ALLC: variants seen among roughly 807,000 people sequenced by gnomAD.
The protein encoded by ALLC is probable inactive allantoicase.
ALLC carries 40 observed loss-of-function variants against 45.0 expected under a neutral mutation model. The ratio of observed to expected loss-of-function variants is 0.89; its 90% CI spans 0.69 to 1.16. The LOEUF (loss-of-function observed/expected upper bound fraction) is 1.16, where lower values mean the gene tolerates loss of function less well. ALLC is among the 50% of genes most tolerant of loss of function. The pLI is 0.00. For synonymous variants in ALLC, 176 were observed against 178.1 expected, an observed-to-expected ratio of 0.99 and a Z score of 0.09; for missense variants, 488 against 493.1, an observed-to-expected ratio of 0.99 and a Z score of 0.10.
the ALLC span, among the ~76,000 whole-genome samples, chr2:3,651,417 G>GCA: frequency 1.1e-4 from 6 of 55,198 alleles, no homozygotes; most frequent in Non-Finnish European, 1.7e-4. Flanking sequence ...GTGTGTGTGT[G>GCA]TGTGTGTGTG....
Position 3,701,600 on chromosome 2 carries a change from G to C in ALLC, c.939G>C (p.Pro313=), listed in dbSNP as rs186926132. 11 of 1,610,782 alleles carry C rather than the reference G, an allele frequency of 6.8e-6. No individual in the cohort carries two copies. Among genetic ancestry groups the C allele is most frequent in the South Asian group, 5.6e-5 (5 of 90,050 alleles). The change falls in exon 11 of 12, where the codon CCG becomes CCC. Residue 313 remains proline, a synonymous_variant. Coordinates refer to ENST00000252505, the MANE Select transcript of ALLC (RefSeq NM_018436.4). ...EAVIRQKWIL[P]AHKWKPLLPV... ...TGATCAGGCAAAAGTGGATTCTCCC[G>C]GCCCACAAGTGGAAACCACTGCTTC...
Position 3,679,986 on chromosome 2 carries a change from TG to T in ALLC, c.292del (p.Glu98LysfsTer30), listed in dbSNP as rs1667134360. ...APRVSIQAANLEEDKLPEIPE... is the reference protein window; with the variant it reads ...APRVSIQAANXEEDKLPEIPE... ...CGAGTGTCCATTCAAGCAGCAAACT[TG>T]GAAGAAGGTGCGTTAGGAACCACTG... On this transcript the variant is annotated frameshift_variant, in exon 5 of 12. Coordinates refer to ENST00000252505, the MANE Select transcript of ALLC (RefSeq NM_018436.4). LOFTEE classifies it high-confidence loss of function. The T allele has an allele frequency of 1.2e-6, 2 of 1,613,846 alleles. No individual in the cohort carries two copies. The highest frequency in any genetic ancestry group is 3.3e-5 in the Admixed American group (2 of 60,002).
At chr2:3,655,357 G>T (rs185644937), upstream of ALLC, among the ~76,000 whole-genome samples, 7 of 152,348 alleles carry the variant, frequency 4.6e-5, no homozygotes, top group East Asian at 1.2e-3. Context: ...CCTTGAAGTT[G>T]CCCTACCCAG....
At chr2:3,688,918 TA>T in intron 7 of ALLC, 1 of 185,272 alleles carries the variant, frequency 5.4e-6, no homozygotes, top group Admixed American at 4.9e-5. Flanking sequence ...TTGCCAGAGC[TA>T]AAAGCAGCCT....
intron 7 of ALLC, among the ~76,000 whole-genome samples, chr2:3,694,265 G>A (rs1158186438): frequency 6.6e-6 from 1 of 152,170 alleles, no homozygotes; most frequent in African/African-American, 2.4e-5. Context: ...GCCTGAAGAG[G>A]AGAGATGGGC....
upstream of ALLC, among the ~76,000 whole-genome samples, chr2:3,656,313 C>T (rs993507889): frequency 1.3e-5 from 2 of 152,240 alleles, no homozygotes; most frequent in African/African-American, 4.8e-5. Context: ...CGAGAACAGC[C>T]TCACGTCTGG....
chr2:3,660,879 G>GGATTGAGTCAGGGTGGAGCAGGTGATCT lies in ALLC; in HGVS notation c.-63+2587_-63+2588insTTGAGTCAGGGTGGAGCAGGTGATCTGA, dbSNP rs1553362494. ...ATGAGTCAGGGTGGAGCAGGTGATC[G>GGATTGAGTCAGGGTGGAGCAGGTGATCT]GAATGAGTCAGGGTGGAGCAGGTGA... On this transcript the variant is annotated intron_variant, in intron 1 of 11. Transcript: ENST00000252505. Among the ~76,000 whole-genome samples the GGATTGAGTCAGGGTGGAGCAGGTGATCT allele has an allele frequency of 6.4e-3, 967 of 149,944 alleles. 9 individuals are homozygous for GGATTGAGTCAGGGTGGAGCAGGTGATCT. The highest frequency in any genetic ancestry group is 0.026 in the East Asian group (130 of 5,054).
chr2:3,654,779 C>T (rs1206378941), upstream of ALLC, among the ~76,000 whole-genome samples: 1 of 152,236 alleles, frequency 6.6e-6, no homozygotes. Flanking sequence ...GGACTTCATG[C>T]CCCATTTCCC....
At chr2:3,678,932 GA>G (rs1213062493) in intron 4 of ALLC, among the ~76,000 whole-genome samples, 7 of 152,160 alleles carry the variant, frequency 4.6e-5, no homozygotes, top group African/African-American at 1.7e-4. Flanking sequence ...AACCGCCATG[GA>G]AACAGATTCC....
chr2:3,695,836 A>G lies in ALLC; in HGVS notation c.631A>G (p.Ser211Gly). 10 of 1,612,596 alleles carry G rather than the reference A, an allele frequency of 6.2e-6. No homozygotes were observed. Among genetic ancestry groups the G allele is most frequent in the Non-Finnish European group, 8.5e-6 (10 of 1,179,494 alleles). Residue 211 changes from serine to glycine, a missense_variant, in exon 8 of 12, where the codon AGT becomes GGT. Transcript: ENST00000252505. ...TTTTGGGGGTGTCTGTGTAGGATTT[A>G]GTAATGCTAAGTTTGGGCACCCAAA... The part of the protein sequence containing the change: ...IAFGGVCVGF[S>G]NAKFGHPNNI...
chr2:3,697,621 G>GTCTGTCTGTCTGTCTA lies in ALLC; in HGVS notation c.850+168_850+169insGTCTGTCTGTCTATCT, dbSNP rs1354630765. Among the ~76,000 whole-genome samples, 378 of 125,426 alleles carry GTCTGTCTGTCTGTCTA rather than the reference G, an allele frequency of 3.0e-3. 5 individuals are homozygous for GTCTGTCTGTCTGTCTA. The highest frequency in any genetic ancestry group is 9.9e-3 in the African/African-American group (358 of 36,120). 82.3% of individuals were successfully genotyped at this position (125,426 alleles called of 152,430 possible). On this transcript the variant is annotated intron_variant, in intron 10 of 11. Coordinates refer to ENST00000252505, the MANE Select transcript of ALLC (RefSeq NM_018436.4). Reference sequence around the variant, plus strand: ...TTAACCCTTAGAACTCTGTCTGTCTGTCTATCTATCTATCTATCTATCTAT... The same window carrying GTCTGTCTGTCTGTCTA: ...TTAACCCTTAGAACTCTGTCTGTCTGTCTGTCTGTCTGTCTATCTATCTATCTATCTATCTATCTAT...
At chr2:3,651,134 A>G in the ALLC span, among the ~76,000 whole-genome samples, 5 of 151,200 alleles carry the variant, frequency 3.3e-5, no homozygotes, top group African/African-American at 1.2e-4. Flanking sequence ...GGATGAGCGC[A>G]GACACACAGC....
intron 3 of ALLC, among the ~76,000 whole-genome samples, chr2:3,678,246 G>A (rs1317386931): frequency 6.6e-6 from 1 of 152,242 alleles, no homozygotes; most frequent in African/African-American, 2.4e-5. Flanking sequence ...AATTCTGTGT[G>A]CTGAGGCCCA....
intron 7 of ALLC, among the ~76,000 whole-genome samples, chr2:3,689,776 C>T (rs893607979): frequency 2.7e-5 from 4 of 150,544 alleles, no homozygotes; most frequent in African/African-American, 9.7e-5. Context: ...TCTGTCTGGA[C>T]GATTTGTCCA....
the ALLC span, among the ~76,000 whole-genome samples, chr2:3,647,704 C>G: frequency 1.3e-5 from 2 of 148,654 alleles, no homozygotes; most frequent in Admixed American, 6.7e-5. Flanking sequence ...CTCACACATC[C>G]TCTCCTGATG....
chr2:3,696,517 G>A (rs561871776), intron 9 of ALLC, among the ~76,000 whole-genome samples, 169 bp downstream of exon 9: 3 of 152,212 alleles, frequency 2.0e-5, no homozygotes, highest in East Asian at 3.9e-4. Flanking sequence ...CATAATATCA[G>A]GGCAGAGACT....
chr2:3,654,006 C>A (rs576809452), upstream of ALLC, among the ~76,000 whole-genome samples: 1 of 152,298 alleles, frequency 6.6e-6, no homozygotes, highest in East Asian at 1.9e-4. Flanking sequence ...GTGGTTCTGT[C>A]TCAAGGAGTC....
At chr2:3,651,262 GCGCTCAGGC>G in the ALLC span, among the ~76,000 whole-genome samples, 1 of 141,838 alleles carries the variant, frequency 7.1e-6, no homozygotes. Flanking sequence ...GCCACGGAGG[GCGCTCAGGC>G]CGCCGATGCT....
At chr2:3,688,521 GT>G in intron 7 of ALLC, 1 of 196,726 alleles carries the variant, frequency 5.1e-6, no homozygotes, top group South Asian at 7.6e-5. Flanking sequence ...GGGCTAAGTA[GT>G]AGGTGGTGTA....
Sources: allele counts gnomAD v4.1 joint callset (sites outside exome capture counted in the v4.1 genomes callset), GRCh38; gene constraint gnomAD v4.1.1; transcripts MANE v1.5; gene names NCBI Gene and HGNC (gene_info 2026-07-23, HGNC 2026-07-21).